The following RNF20 variants were observed in gnomAD, a reference collection of about 807,000 sequenced individuals.
RNF20 encodes the protein E3 ubiquitin-protein ligase BRE1A.
Under a neutral mutation model 126.2 loss-of-function variants are expected in RNF20, and 84 were observed. The ratio of observed to expected loss-of-function variants is 0.67; its 90% CI spans 0.56 to 0.80. The LOEUF (loss-of-function observed/expected upper bound fraction) is 0.80, where lower values mean the gene tolerates loss of function less well. RNF20 is among the 30% of genes least tolerant of loss of function. RNF20 has a pLI of 0.00. For missense variants in RNF20, 869 were observed against 1,188.2 expected (o/e 0.73, Z 3.95); for synonymous variants, 400 against 414.3 (o/e 0.97, Z 0.42).
chr9:101,561,836 C>T lies in RNF20; in HGVS notation c.2650-74C>T, dbSNP rs553483183. 38 of 1,002,970 alleles carry T rather than the reference C, an allele frequency of 3.8e-5. 2 individuals are homozygous for T. Among genetic ancestry groups the T allele is most frequent in the African/African-American group, 1.7e-4 (11 of 63,142 alleles). The allele number at this position is 1,002,970 out of a possible 1,614,324, so 62.1% of individuals were successfully genotyped here. On this transcript the variant is annotated intron_variant, in intron 18 of 19. Coordinates refer to ENST00000389120, the MANE Select transcript of RNF20 (RefSeq NM_019592.7). ...AGTCCCCTCTTTTCACAACAGAAAA[C>T]TCAAGTCTATTATTTTTCTCAAAAA...
intron 16 of RNF20, among the ~76,000 whole-genome samples, chr9:101,559,368 T>C (rs1827590136): frequency 6.6e-6 from 1 of 152,188 alleles, no homozygotes; most frequent in Non-Finnish European, 1.5e-5. Flanking sequence ...TAGTCTTGCT[T>C]TGGCTATGTA....
Position 101,535,567 on chromosome 9 carries a change from TGCC to T in RNF20, c.129+16_129+18del. The T allele has an allele frequency of 6.2e-7, 1 of 1,602,416 alleles. No individual in the cohort carries two copies. Among genetic ancestry groups the T allele is most frequent in the Non-Finnish European group, 8.5e-7 (1 of 1,175,160 alleles). On this transcript the variant is annotated intron_variant, in intron 2 of 19. Coordinates refer to ENST00000389120, the MANE Select transcript of RNF20 (RefSeq NM_019592.7). ...TCTCTTCAACGGTATGAGGAAACAG[TGCC>T]ATGAAAGTGTGCTTGTCTTCTGTCA...
intron 2 of RNF20, among the ~76,000 whole-genome samples, chr9:101,536,816 A>T (rs1249628338): frequency 6.6e-6 from 1 of 152,200 alleles, no homozygotes; most frequent in Non-Finnish European, 1.5e-5. Flanking sequence ...GTTAGTGGAT[A>T]GTCTTAAGTA....
rs185744120 is a variant in RNF20 at position 101,541,946 on chromosome 9, A to C, written c.628+971A>C. 1.0e-3 allele frequency among the ~76,000 whole-genome samples: 159 copies of C among 152,342 alleles called. 1 individual carries two copies. Among genetic ancestry groups the C allele is most frequent in the African/African-American group, 3.7e-3 (154 of 41,584 alleles). On this transcript the variant is annotated intron_variant, in intron 5 of 19. Transcript: ENST00000389120. ...GGTTACATCTTTAGTCATTTGTGGC[A>C]TAAATACCTTGCTCAAATGCAAAAA...
chr9:101,539,238 A>G (rs575835339), intron 2 of RNF20, among the ~76,000 whole-genome samples: 17 of 152,270 alleles, frequency 1.1e-4, no homozygotes, highest in African/African-American at 3.9e-4. Flanking sequence ...AAATTATAAA[A>G]TCTGTTTAGG....
chr9:101,540,776 T>A lies in RNF20; in HGVS notation c.446-17T>A. On this transcript the variant is annotated splice_polypyrimidine_tract_variant and intron_variant, in intron 4 of 19. Coordinates refer to ENST00000389120, the MANE Select transcript of RNF20 (RefSeq NM_019592.7). Reference sequence around the variant, plus strand: ...TATAATTTTGGGGGGCTTCTTTTTTTCCCCCTGTGTCCTCAGGGGAAGGGC... The same window carrying A: ...TATAATTTTGGGGGGCTTCTTTTTTACCCCCTGTGTCCTCAGGGGAAGGGC... 6.3e-7 allele frequency: 1 copy of A among 1,592,568 alleles called. No homozygotes were observed. Among genetic ancestry groups the A allele is most frequent in the African/African-American group, 1.4e-5 (1 of 73,290 alleles).
chr9:101,538,187 C>A (rs2118671239), intron 2 of RNF20, among the ~76,000 whole-genome samples: 1 of 152,070 alleles, frequency 6.6e-6, no homozygotes, highest in South Asian at 2.1e-4. Context: ...CATGTAGGTA[C>A]AAGTAAGACT....
Position 101,547,220 on chromosome 9 carries a change from ATCAGTGAC to A in RNF20, c.972+11_972+18del. 5.0e-6 allele frequency: 8 copies of A among 1,614,012 alleles called. No individual in the cohort carries two copies. Among genetic ancestry groups the A allele is most frequent in the Non-Finnish European group, 6.8e-6 (8 of 1,179,862 alleles). On this transcript the variant is annotated splice_region_variant and intron_variant, in intron 8 of 19. Coordinates refer to ENST00000389120, the MANE Select transcript of RNF20 (RefSeq NM_019592.7). ...TCACTATCAATGCTCGGAAGGTAAAATCAGTGACTCAGGACATGTTTTGGACTGTATGT... is the reference window on the plus strand; with the variant it reads ...TCACTATCAATGCTCGGAAGGTAAAATCAGGACATGTTTTGGACTGTATGT...
intron 2 of RNF20, among the ~76,000 whole-genome samples, chr9:101,537,418 G>T (rs1443678289): frequency 6.6e-6 from 1 of 152,124 alleles, no homozygotes; most frequent in Non-Finnish European, 1.5e-5. Context: ...ATTGAGTTTG[G>T]TTTGGTTTGG....
intron 5 of RNF20, among the ~76,000 whole-genome samples, chr9:101,543,372 GGCGGCACTGTCTAACCTGCCAGA>G (rs1400638099): frequency 2.0e-3 from 296 of 144,616 alleles, no homozygotes; most frequent in South Asian, 0.013. Flanking sequence ...ACCCTGCCAG[GGCGGCACTGTCTAACCTGCCAGA>G]GCGGCACTGT....
At chr9:101,548,799 G>C (rs1448670505) in intron 9 of RNF20, among the ~76,000 whole-genome samples, 1 of 152,120 alleles carries the variant, frequency 6.6e-6, no homozygotes, top group Non-Finnish European at 1.5e-5. Flanking sequence ...GAGAAGTAGG[G>C]TAAACTAGGG....
chr9:101,555,969 A>AG (rs1395361726), intron 15 of RNF20, among the ~76,000 whole-genome samples: 2 of 151,886 alleles, frequency 1.3e-5, no homozygotes, highest in Admixed American at 6.6e-5. Flanking sequence ...AAAAAAAAAA[A>AG]AAGTGTAATT....
In RNF20 at chr9:101,547,537, A is replaced by T; in HGVS notation, c.1092+19A>T. On this transcript the variant is annotated intron_variant, in intron 9 of 19. Coordinates refer to ENST00000389120, the MANE Select transcript of RNF20 (RefSeq NM_019592.7). ...GCTGAAGGTAGGAACGCATCCCTGAAGGGCAGTAAAATCAGACGTTCTGCT... is the reference window on the plus strand; with the variant it reads ...GCTGAAGGTAGGAACGCATCCCTGATGGGCAGTAAAATCAGACGTTCTGCT... 6.2e-7 allele frequency: 1 copy of T among 1,613,424 alleles called. No individual in the cohort carries two copies. Among genetic ancestry groups the T allele is most frequent in the Non-Finnish European group, 8.5e-7 (1 of 1,179,678 alleles).
intron 15 of RNF20, among the ~76,000 whole-genome samples, chr9:101,555,540 T>C (rs1827519393): frequency 6.6e-6 from 1 of 152,046 alleles, no homozygotes. Flanking sequence ...ACACCTTCAT[T>C]GTTTCTAAGA....
intron 8 of RNF20, 63 bp from the exon 9 acceptor site, chr9:101,547,336 G>A: frequency 6.2e-7 from 1 of 1,608,642 alleles, no homozygotes; most frequent in Non-Finnish European, 8.5e-7. Context: ...AGTGAAGAAA[G>A]GAAGCTTAGA....
intron 18 of RNF20, 130 bp downstream of exon 18, chr9:101,561,360 A>G (rs558173924): frequency 8.9e-5 from 86 of 968,080 alleles, no homozygotes; most frequent in East Asian, 8.8e-4. Context: ...TGTTGAGGGA[A>G]GAGAGTAAGT....
At chr9:101,540,100 T>A in intron 2 of RNF20, 103 bp from the exon 3 acceptor site, 1 of 1,125,644 alleles carries the variant, frequency 8.9e-7, no homozygotes, top group South Asian at 1.6e-5. Context: ...TCAATAGCTT[T>A]ATTCATAGAA....
At chr9:101,543,913 T>C (rs1827304122) in intron 5 of RNF20, among the ~76,000 whole-genome samples, 1 of 152,194 alleles carries the variant, frequency 6.6e-6, no homozygotes, top group Non-Finnish European at 1.5e-5. Context: ...TTTTAAAAGT[T>C]CCACAAGTGA....
intron 6 of RNF20, among the ~76,000 whole-genome samples, chr9:101,545,351 T>C (rs12684584): frequency 0.12 from 17,938 of 152,258 alleles, 1,228 homozygotes; most frequent in East Asian, 0.16. Context: ...CCCACCTTAG[T>C]TTGGCCACTG....
Sources: allele counts gnomAD v4.1 joint callset (sites outside exome capture counted in the v4.1 genomes callset), GRCh38; gene constraint gnomAD v4.1.1; transcripts MANE v1.5; gene names NCBI Gene and HGNC (gene_info 2026-07-23, HGNC 2026-07-21).